SLC22A23: variants seen among roughly 807,000 people sequenced by gnomAD.
SLC22A23 encodes solute carrier family 22 member 23.
Under a neutral mutation model 61.0 loss-of-function variants are expected in SLC22A23, and 26 were observed. The observed-to-expected ratio is 0.43, with a 90% CI of 0.31 to 0.59. SLC22A23 has a LOEUF of 0.59. SLC22A23 is among the 20% of genes least tolerant of loss of function. The pLI is 0.11. For missense variants in SLC22A23, 796 were observed against 934.7 expected (o/e 0.85, Z 1.94); for synonymous variants, 430 against 413.9 (o/e 1.04, Z -0.47).
At chr6:3,314,021 C>T (rs533338043) in intron 4 of SLC22A23, among the ~76,000 whole-genome samples, 2 of 152,154 alleles carry the variant, frequency 1.3e-5, no homozygotes, top group African/African-American at 4.8e-5. Context: ...AAGAGCAGAA[C>T]TCTGTCTCAA....
rs915134361 is a variant in SLC22A23, at chr6:3,328,977, C to G, written c.914-4975G>C. ...GCCAGCCTGGACCAGGTCCCAGCCT[C>G]ACAGGGCACTGCCAAGCTCAAGGGA... On this transcript the variant is annotated intron_variant, in intron 3 of 9. Transcript: ENST00000406686. This position sits in a 1 kb window ranked among gnomAD's most constrained non-coding sequence, Gnocchi z 5.0. Among the ~76,000 whole-genome samples, 1 of 152,132 alleles carries G rather than the reference C, an allele frequency of 6.6e-6. No individual in the cohort carries two copies. Among genetic ancestry groups the G allele is most frequent in the Non-Finnish European group, 1.5e-5 (1 of 68,026 alleles).
Position 3,271,106 on chromosome 6 carries a change from CA to C in SLC22A23, c.*1948del. ...ACAGGTGGCTTTATAGCAAGTACTC[CA>C]AAAAAGGTAAAAGGAATTTCACAAG... On this transcript the variant is annotated 3_prime_UTR_variant, in exon 10 of 10. Transcript: ENST00000406686. The C allele has an allele frequency of 6.6e-6, 1 of 152,436 alleles. No individual in the cohort carries two copies. Among genetic ancestry groups the C allele is most frequent in the Non-Finnish European group, 1.5e-5 (1 of 68,062 alleles). 9.4% of individuals were successfully genotyped at this position (152,436 alleles called of 1,614,324 possible). A position where few individuals can be genotyped will look rare whatever the true frequency, so the allele number is the denominator to read the frequency against.
rs765499100 is a variant in SLC22A23, at chr6:3,387,320, T to C, written c.913+22868A>G. 1.3e-4 allele frequency among the ~76,000 whole-genome samples: 20 copies of C among 152,130 alleles called. No homozygotes were observed. Among genetic ancestry groups the C allele is most frequent in the Non-Finnish European group, 2.8e-4 (19 of 68,032 alleles). ...GACGCCATGAGCAGGGTGGTGCTCT[T>C]CCCCCTAGTCTGATCAAGAGAAAGT... On this transcript the variant is annotated intron_variant, in intron 3 of 9. Transcript: ENST00000406686. This position sits in a 1 kb window ranked among gnomAD's most constrained non-coding sequence, Gnocchi z 5.0.
At chr6:3,455,264 A>G (rs1772337737) in intron 1 of SLC22A23, among the ~76,000 whole-genome samples, 1 of 152,214 alleles carries the variant, frequency 6.6e-6, no homozygotes, top group Non-Finnish European at 1.5e-5. Context: ...GCTGTGTAAG[A>G]GCGGTGACGG....
At position 3,318,049 on chromosome 6, in the gene SLC22A23, A is replaced by AC. The variant is rs541971316; in HGVS notation, c.1082+5784dup. ...CACCAGAGACTCCTGTGCTCACTGCACCCCCTGCCAAGTCCCTGTCCAGTC... is the reference window on the plus strand; with the variant it reads ...CACCAGAGACTCCTGTGCTCACTGCACCCCCCTGCCAAGTCCCTGTCCAGTC... On this transcript the variant is annotated intron_variant, in intron 4 of 9. Coordinates refer to ENST00000406686, the MANE Select transcript of SLC22A23 (RefSeq NM_015482.2). The surrounding 1 kb of genome is among the most constrained non-coding windows in gnomAD (Gnocchi z 4.3). 9.4e-4 allele frequency among the ~76,000 whole-genome samples: 143 copies of AC among 151,810 alleles called. No homozygotes were observed. The highest frequency in any genetic ancestry group is 3.4e-3 in the African/African-American group (141 of 41,410).
intron 1 of SLC22A23, chr6:3,438,437 C>T (rs76507432): frequency 6.6e-4 from 291 of 441,890 alleles, no homozygotes; most frequent in African/African-American, 5.2e-3. Flanking sequence ...GGGCCCCTGG[C>T]GGGAACCAGC....
At chr6:3,293,310 T>C (rs1760778902) in intron 5 of SLC22A23, among the ~76,000 whole-genome samples, 1 of 152,046 alleles carries the variant, frequency 6.6e-6, no homozygotes, top group African/African-American at 2.4e-5. Flanking sequence ...ACATGAGTCA[T>C]TAAAAAAGCA....
chr6:3,280,787 T>C (rs1277655284), intron 9 of SLC22A23, among the ~76,000 whole-genome samples: 2 of 152,314 alleles, frequency 1.3e-5, no homozygotes, highest in Non-Finnish European at 1.5e-5. Flanking sequence ...TGAGCCACCG[T>C]GCCCGGCCTT....
intron 3 of SLC22A23, among the ~76,000 whole-genome samples, chr6:3,345,353 T>C (rs1764366887): frequency 6.7e-6 from 1 of 148,610 alleles, no homozygotes; most frequent in Admixed American, 6.8e-5. Flanking sequence ...CAGTAGTTTA[T>C]ATCTCTTTTC....
At chr6:3,443,865 A>C (rs905904171) in intron 1 of SLC22A23, among the ~76,000 whole-genome samples, 4 of 152,196 alleles carry the variant, frequency 2.6e-5, no homozygotes, top group Admixed American at 2.6e-4. Context: ...AGGCGAAGCC[A>C]GTTTGAAGTG....
chr6:3,389,385 G>C (rs1767522614), intron 3 of SLC22A23, among the ~76,000 whole-genome samples: 1 of 151,678 alleles, frequency 6.6e-6, no homozygotes, highest in Non-Finnish European at 1.5e-5. Context: ...CTTAAAAATG[G>C]TTAAGATAGT....
At chr6:3,357,811 A>G (rs1250573573) in intron 3 of SLC22A23, among the ~76,000 whole-genome samples, 1 of 152,246 alleles carries the variant, frequency 6.6e-6, no homozygotes, top group Non-Finnish European at 1.5e-5. Flanking sequence ...AGGGGCTCAC[A>G]GTCTGATGAA....
chr6:3,349,690 G>A (rs375867951), intron 3 of SLC22A23, among the ~76,000 whole-genome samples: 2 of 152,166 alleles, frequency 1.3e-5, no homozygotes, highest in Non-Finnish European at 2.9e-5. Context: ...CCACCCAAGT[G>A]CTTTAAATAT....
At chr6:3,340,060 C>T (rs1196298426) in intron 3 of SLC22A23, among the ~76,000 whole-genome samples, 1 of 152,106 alleles carries the variant, frequency 6.6e-6, no homozygotes, top group African/African-American at 2.4e-5. Context: ...AGCTTCCCTC[C>T]TCTCCTCTCC....
At chr6:3,316,555 G>T (rs1762653021) in intron 4 of SLC22A23, among the ~76,000 whole-genome samples, 1 of 152,222 alleles carries the variant, frequency 6.6e-6, no homozygotes, top group Non-Finnish European at 1.5e-5. Flanking sequence ...AAACATTTAA[G>T]CACTCACATG....
intron 1 of SLC22A23, among the ~76,000 whole-genome samples, chr6:3,428,727 C>G (rs1170350279): frequency 6.6e-6 from 1 of 152,204 alleles, no homozygotes; most frequent in Non-Finnish European, 1.5e-5. Context: ...CACAACTGGA[C>G]TCTCCTCCCT....
At chr6:3,346,240 T>C (rs1764429824) in intron 3 of SLC22A23, among the ~76,000 whole-genome samples, 2 of 152,150 alleles carry the variant, frequency 1.3e-5, no homozygotes, top group Non-Finnish European at 1.5e-5. Flanking sequence ...GCTCAACGTC[T>C]CTGCTGACCT....
At chr6:3,353,711 T>C (rs1031552558) in intron 3 of SLC22A23, among the ~76,000 whole-genome samples, 10 of 152,164 alleles carry the variant, frequency 6.6e-5, no homozygotes, top group Non-Finnish European at 1.2e-4. Context: ...TTCTGCCCTG[T>C]GCACTGCCAC....
intron 1 of SLC22A23, among the ~76,000 whole-genome samples, chr6:3,449,814 A>G (rs571410981): frequency 6.6e-5 from 10 of 152,374 alleles, no homozygotes; most frequent in African/African-American, 2.4e-4. Context: ...AAAATTTCTT[A>G]CACGTGTGCA....
Sources: gnomAD v4.1 joint callset for allele counts (sites outside exome capture counted in the v4.1 genomes callset) on GRCh38, gnomAD v4.1.1 for gene constraint, Gnocchi (gnomAD v3.1) non-coding constraint, MANE v1.5 for transcripts, NCBI Gene and HGNC (gene_info 2026-07-23, HGNC 2026-07-21) for gene names.